ADGRB3: variants seen among roughly 807,000 people sequenced by gnomAD.
ADGRB3 encodes brain-specific angiogenesis inhibitor 3.
ADGRB3 carries 37 observed loss-of-function variants against 193.4 expected under a neutral mutation model. That is an observed-to-expected ratio of 0.19 (90% CI 0.15 to 0.25). The LOEUF (loss-of-function observed/expected upper bound fraction) is 0.25. ADGRB3 is among the 10% of genes least tolerant of loss of function. The pLI is 1.00. For missense variants in ADGRB3, 1,637 were observed against 1,852.9 expected (o/e 0.88, Z 2.14); for synonymous variants, 690 against 644.2 (o/e 1.07, Z -1.08).
chr6:68,691,448 C>T (rs981097560), intron 3 of ADGRB3, among the ~76,000 whole-genome samples: 8 of 152,038 alleles, frequency 5.3e-5, no homozygotes, highest in Admixed American at 2.6e-4. Context: ...GTGGCTATGG[C>T]TAGCGGCAAC....
intron 3 of ADGRB3, among the ~76,000 whole-genome samples, chr6:68,665,326 C>T (rs555159058): frequency 1.3e-5 from 2 of 151,620 alleles, no homozygotes; most frequent in South Asian, 2.1e-4. Flanking sequence ...GTTTTTCTTT[C>T]TCTTTATATT....
intron 31 of ADGRB3, among the ~76,000 whole-genome samples, chr6:69,384,964 T>TC (rs200033089): frequency 0.054 from 8,072 of 150,718 alleles, 441 homozygotes; most frequent in African/African-American, 0.14. Context: ...TCTTTTCTTT[T>TC]TTTTTTTTTC....
chr6:69,317,741 T>TTG (rs1048059069), intron 20 of ADGRB3, among the ~76,000 whole-genome samples: 10 of 151,550 alleles, frequency 6.6e-5, no homozygotes, highest in Non-Finnish European at 4.4e-5. Flanking sequence ...TGTCAACACC[T>TTG]TGAGTTCATG....
At chr6:69,071,725 T>C (rs962214394) in intron 16 of ADGRB3, among the ~76,000 whole-genome samples, 2 of 152,212 alleles carry the variant, frequency 1.3e-5, no homozygotes, top group Non-Finnish European at 2.9e-5. Flanking sequence ...AAATACTATT[T>C]ATTGATAGTT....
intron 8 of ADGRB3, among the ~76,000 whole-genome samples, chr6:68,972,257 A>G (rs1253349438): frequency 3.3e-5 from 5 of 151,964 alleles, no homozygotes; most frequent in Non-Finnish European, 5.9e-5. Context: ...TTGATTTATG[A>G]TAGGTCCTCT....
At chr6:69,227,588 T>C (rs1766046334) in intron 17 of ADGRB3, among the ~76,000 whole-genome samples, 1 of 152,178 alleles carries the variant, frequency 6.6e-6, no homozygotes, top group Non-Finnish European at 1.5e-5. Context: ...GTAGAACTGA[T>C]TAGGCAGAAA....
At chr6:68,711,785 A>C (rs1215871840) in intron 3 of ADGRB3, among the ~76,000 whole-genome samples, 1 of 152,088 alleles carries the variant, frequency 6.6e-6, no homozygotes, top group Non-Finnish European at 1.5e-5. Flanking sequence ...ATCATCACTC[A>C]GTTTATATCT....
At chr6:69,323,761 G>A (rs974618359) in intron 20 of ADGRB3, among the ~76,000 whole-genome samples, 4 of 151,982 alleles carry the variant, frequency 2.6e-5, no homozygotes, top group Non-Finnish European at 4.4e-5. Context: ...AAGAACTGGC[G>A]AACTAAGTCA....
intron 17 of ADGRB3, among the ~76,000 whole-genome samples, chr6:69,136,162 A>G (rs560374116): frequency 1.0e-3 from 155 of 152,176 alleles, no homozygotes; most frequent in African/African-American, 3.3e-3. Flanking sequence ...CTGTGTGTGT[A>G]TATACTCAAA....
chr6:69,153,263 A>G (rs1236595775), intron 17 of ADGRB3, among the ~76,000 whole-genome samples: 4 of 152,212 alleles, frequency 2.6e-5, no homozygotes, highest in African/African-American at 9.6e-5. Flanking sequence ...TTAAAAACTC[A>G]TGAAGCCCCC....
chr6:68,651,799 T>C (rs774478402), intron 3 of ADGRB3, among the ~76,000 whole-genome samples: 5 of 152,100 alleles, frequency 3.3e-5, no homozygotes, highest in Non-Finnish European at 7.4e-5. Flanking sequence ...TCTTCCTATA[T>C]TGGTAGGAGA....
chr6:69,040,135 A>G (rs540663352), intron 13 of ADGRB3, among the ~76,000 whole-genome samples: 3 of 152,160 alleles, frequency 2.0e-5, no homozygotes, highest in African/African-American at 4.8e-5. Flanking sequence ...CTGGGTAGCT[A>G]TTGTTGCAGC....
chr6:69,097,453 G>T (rs961615058), intron 17 of ADGRB3, among the ~76,000 whole-genome samples: 1 of 152,028 alleles, frequency 6.6e-6, no homozygotes. Context: ...AAATAAGAAG[G>T]ATTTTCTGGG....
At chr6:68,679,747 A>T (rs1764845715) in intron 3 of ADGRB3, among the ~76,000 whole-genome samples, 1 of 152,124 alleles carries the variant, frequency 6.6e-6, no homozygotes, top group African/African-American at 2.4e-5. Flanking sequence ...GAAACAAGTA[A>T]ACCAAAATAC....
chr6:69,032,933 C>T (rs998990419), intron 13 of ADGRB3, among the ~76,000 whole-genome samples: 6 of 152,072 alleles, frequency 3.9e-5, no homozygotes, highest in Admixed American at 3.3e-4. Flanking sequence ...AAACACAAGG[C>T]CAAATATGGG....
chr6:68,951,841 T>A (rs952544293), intron 6 of ADGRB3, among the ~76,000 whole-genome samples: 1 of 152,116 alleles, frequency 6.6e-6, no homozygotes, highest in South Asian at 2.1e-4. Context: ...ATTGATTGTC[T>A]CTACTACCTC....
Position 69,237,450 on chromosome 6 carries a change from A to C in ADGRB3, c.2712-1674A>C, listed in dbSNP as rs1477885490. Among the ~76,000 whole-genome samples, 7 of 152,152 alleles carry C rather than the reference A, an allele frequency of 4.6e-5. No individual in the cohort carries two copies. In the East Asian group the frequency reaches 1.4e-3, roughly 29 times the overall value. On this transcript the variant is annotated intron_variant, in intron 19 of 31. Coordinates refer to ENST00000370598, the MANE Select transcript of ADGRB3 (RefSeq NM_001704.3). ...TTTGGCAGAGTTACATTTTTACATGAAAAAATAATGAAGCATGTCCTTGTC... is the reference window on the plus strand; with the variant it reads ...TTTGGCAGAGTTACATTTTTACATGCAAAAATAATGAAGCATGTCCTTGTC...
At chr6:68,813,726 G>T (rs998252637) in intron 3 of ADGRB3, among the ~76,000 whole-genome samples, 1 of 151,912 alleles carries the variant, frequency 6.6e-6, no homozygotes, top group African/African-American at 2.4e-5. Context: ...CCCACAACAG[G>T]CCCCGGTGTG....
rs151333186 is a variant in ADGRB3 at position 68,895,026 on chromosome 6, T to C, written c.758-35533T>C. On this transcript the variant is annotated intron_variant, in intron 3 of 31. Transcript: ENST00000370598. ...ATCAAAATCTCATAGATAAAAGCAG[T>C]TAGTGGAGAAAATTATTAAGTGGTA... Among the ~76,000 whole-genome samples, 72 of 151,890 alleles carry C rather than the reference T, an allele frequency of 4.7e-4. 1 individual carries two copies. Among genetic ancestry groups the C allele is most frequent in the African/African-American group, 1.6e-3 (68 of 41,516 alleles).
Sources: gnomAD v4.1 joint callset for allele counts (sites outside exome capture counted in the v4.1 genomes callset) on GRCh38, gnomAD v4.1.1 for gene constraint, MANE v1.5 for transcripts, NCBI Gene and HGNC (gene_info 2026-07-23, HGNC 2026-07-21) for gene names.